OR1B1: variants seen among roughly 807,000 people sequenced by gnomAD.
OR1B1 encodes the protein olfactory receptor family 1 subfamily B member 1.
For synonymous variants in OR1B1, 168 were observed against 156.2 expected, an observed-to-expected ratio of 1.08 and a Z score of -0.57; for missense variants, 414 against 402.1, an observed-to-expected ratio of 1.03 and a Z score of -0.25.
the OR1B1 span, among the ~76,000 whole-genome samples, chr9:122,653,713 C>T: frequency 1.2e-4 from 18 of 152,072 alleles, no homozygotes; most frequent in Admixed American, 1.2e-3. Context: ...CAATATTTCC[C>T]TTGGTAATAT....
the OR1B1 span, among the ~76,000 whole-genome samples, chr9:122,639,385 C>A: frequency 2.0e-5 from 3 of 152,178 alleles, no homozygotes; most frequent in South Asian, 6.2e-4. Flanking sequence ...TTGGATATAG[C>A]TTTGGTTCAT....
the OR1B1 span, among the ~76,000 whole-genome samples, chr9:122,637,954 C>G: frequency 3.8e-3 from 584 of 152,248 alleles, 4 homozygotes; most frequent in African/African-American, 0.013. Context: ...TGCTATAACT[C>G]TACATAAATA....
At chr9:122,639,145 C>A in the OR1B1 span, among the ~76,000 whole-genome samples, 1 of 152,158 alleles carries the variant, frequency 6.6e-6, no homozygotes, top group South Asian at 2.1e-4. Flanking sequence ...TCCCCGTTAC[C>A]TCCTGCTTAG....
the OR1B1 span, among the ~76,000 whole-genome samples, chr9:122,636,854 G>C: frequency 6.6e-6 from 1 of 152,192 alleles, no homozygotes; most frequent in Non-Finnish European, 1.5e-5. Context: ...GTGATCTTAA[G>C]CAAGTTATGC....
At chr9:122,657,354 G>C in the OR1B1 span, among the ~76,000 whole-genome samples, 1 of 151,020 alleles carries the variant, frequency 6.6e-6, no homozygotes, top group Admixed American at 6.6e-5. Context: ...AGAAAGTTTC[G>C]GTAACTCACC....
chr9:122,628,471 C>T, downstream of OR1B1: 1 of 713,070 alleles, frequency 1.4e-6, no homozygotes, highest in Non-Finnish European at 2.5e-6. Flanking sequence ...ATCTGGAGTT[C>T]CTTAAGTTAT....
At chr9:122,632,474 G>C (rs144840683), upstream of OR1B1, among the ~76,000 whole-genome samples, 65 of 150,912 alleles carry the variant, frequency 4.3e-4, no homozygotes, top group East Asian at 0.011. Context: ...TTGGTTACAA[G>C]AGTAAGTTCT....
chr9:122,654,203 T>C, the OR1B1 span, among the ~76,000 whole-genome samples: 1 of 152,218 alleles, frequency 6.6e-6, no homozygotes, highest in African/African-American at 2.4e-5. Context: ...TCAAGTGTCA[T>C]GTAAACAATC....
At chr9:122,630,065 G>C (rs1397203628), upstream of OR1B1, among the ~76,000 whole-genome samples, 4 of 152,128 alleles carry the variant, frequency 2.6e-5, no homozygotes, top group African/African-American at 9.7e-5. Context: ...CTAAGGTCTG[G>C]AACAAGACAA....
chr9:122,629,231 T>A (rs751659912), exon 1 of OR1B1: 2 of 1,613,934 alleles, frequency 1.2e-6, no homozygotes, highest in Non-Finnish European at 1.7e-6. Flanking sequence ...GAAAAAGAAC[T>A]GAGCCAAGCA....
chr9:122,655,479 C>G, the OR1B1 span, among the ~76,000 whole-genome samples: 1 of 152,090 alleles, frequency 6.6e-6, no homozygotes, highest in Non-Finnish European at 1.5e-5. Flanking sequence ...GGCACATACA[C>G]GCCATGGAAT....
upstream of OR1B1, among the ~76,000 whole-genome samples, chr9:122,631,787 G>A (rs1439350509): frequency 1.3e-5 from 2 of 151,866 alleles, no homozygotes; most frequent in African/African-American, 2.4e-5. Context: ...GGGTATACAC[G>A]AACAGGAAAA....
the OR1B1 span, among the ~76,000 whole-genome samples, chr9:122,647,442 C>CA: frequency 4.0e-5 from 6 of 151,474 alleles, no homozygotes; most frequent in Admixed American, 2.0e-4. Context: ...GTGCATACAT[C>CA]AAAAAAGAGG....
At chr9:122,648,004 G>T in the OR1B1 span, among the ~76,000 whole-genome samples, 1 of 151,948 alleles carries the variant, frequency 6.6e-6, no homozygotes, top group Non-Finnish European at 1.5e-5. Context: ...CAATCAGTTA[G>T]CTAATGCATT....
At chr9:122,649,966 T>G in the OR1B1 span, among the ~76,000 whole-genome samples, 4 of 152,194 alleles carry the variant, frequency 2.6e-5, no homozygotes, top group African/African-American at 9.6e-5. Context: ...ATTGCAGCAC[T>G]GTTCACAATA....
At chr9:122,630,348 A>G (rs1359964599), upstream of OR1B1, among the ~76,000 whole-genome samples, 2 of 152,230 alleles carry the variant, frequency 1.3e-5, no homozygotes, top group Non-Finnish European at 2.9e-5. Context: ...AGCCTGATGC[A>G]CAAACAAAAA....
chr9:122,643,761 C>T, the OR1B1 span, among the ~76,000 whole-genome samples: 6 of 152,316 alleles, frequency 3.9e-5, no homozygotes, highest in Admixed American at 3.9e-4. Flanking sequence ...CTTTGTCTTG[C>T]ATCTTGGGTA....
At chr9:122,635,090 G>T in the OR1B1 span, among the ~76,000 whole-genome samples, 1 of 152,158 alleles carries the variant, frequency 6.6e-6, no homozygotes, top group African/African-American at 2.4e-5. Flanking sequence ...CATGTTCACT[G>T]CAGCATTATT....
the OR1B1 span, among the ~76,000 whole-genome samples, chr9:122,643,844 T>A: frequency 6.6e-6 from 1 of 152,168 alleles, no homozygotes; most frequent in Admixed American, 6.5e-5. Flanking sequence ...AGCTCTGGGA[T>A]GACATATCCT....
Sources: gnomAD v4.1 joint callset for allele counts (sites outside exome capture counted in the v4.1 genomes callset) on GRCh38, gnomAD v4.1.1 for gene constraint, MANE v1.5 for transcripts, NCBI Gene and HGNC (gene_info 2026-07-23, HGNC 2026-07-21) for gene names.